The following PCNT variants were observed in gnomAD, a reference collection of about 807,000 sequenced individuals.
PCNT encodes the protein pericentrin, also known as kendrin.
A neutral mutation model predicts 380.4 loss-of-function variants in PCNT; 319 were observed. The ratio of observed to expected loss-of-function variants is 0.84; its 90% confidence interval spans 0.77 to 0.92. The LOEUF (loss-of-function observed/expected upper bound fraction) is 0.92, where lower values mean the gene tolerates loss of function less well. Among genes scored for constraint, PCNT ranks in the 40% least tolerant of loss-of-function variants. The pLI, the probability that PCNT is intolerant of heterozygous loss-of-function variation, is 0.00. For synonymous variants in PCNT, 1,845 were observed against 1,735.2 expected, an observed-to-expected ratio of 1.06 and a Z score of -1.57; for missense variants, 4,400 against 4,255.3, an observed-to-expected ratio of 1.03 and a Z score of -0.95.
intron 36 of PCNT, 113 bp downstream of exon 36, chr21:46,430,345 G>T: frequency 7.3e-7 from 1 of 1,378,134 alleles, no homozygotes. Context: ...GGCAGCCCCA[G>T]GGGCACCGCG....
chr21:46,353,691 T>G (rs1363556725), intron 10 of PCNT, among the ~76,000 whole-genome samples: 2 of 145,854 alleles, frequency 1.4e-5, no homozygotes, highest in African/African-American at 2.6e-5. Flanking sequence ...GTGTGTGTGT[T>G]GGTGGCAGGG....
rs777079498 is a variant in PCNT, at chr21:46,431,530, A to T, written c.8066A>T (p.Glu2689Val). ...RESQSAKALE[E>V]LRASLETQRA... Reference sequence around the variant, plus strand: ...CCATCGTATGTGTTTGCTGTCTAGGAGCTGCGGGCGTCTTTGGAGACACAG... The same window carrying T: ...CCATCGTATGTGTTTGCTGTCTAGGTGCTGCGGGCGTCTTTGGAGACACAG... Residue 2689 changes from glutamate to valine, a missense_variant and splice_region_variant, in exon 38 of 47, where the codon GAG (glutamate) becomes GTG (valine). By Grantham distance (121) the Glu-to-Val change is moderately radical. Transcript: ENST00000359568. The T allele has an allele frequency of 1.1e-5, 17 of 1,613,888 alleles. No homozygotes were observed. In the Admixed American group the frequency reaches 1.5e-4, roughly 14 times the overall value.
At chr21:46,421,819 G>A in intron 31 of PCNT, 151 bp from the exon 32 acceptor site, 1 of 846,862 alleles carries the variant, frequency 1.2e-6, no homozygotes, top group Non-Finnish European at 1.9e-6. Context: ...AGCATTTTTG[G>A]GGCCATCAGT....
At chr21:46,327,337 G>C (rs2083426246) in intron 2 of PCNT, among the ~76,000 whole-genome samples, 5 of 152,022 alleles carry the variant, frequency 3.3e-5, no homozygotes, top group Admixed American at 3.3e-4. Context: ...GGGATTATAG[G>C]CATGAGCCAC....
chr21:46,381,652 T>C, intron 15 of PCNT, 42 bp from the exon 16 acceptor site: 1 of 1,584,488 alleles, frequency 6.3e-7, no homozygotes, highest in Non-Finnish European at 8.7e-7. Context: ...GAAAGTATTT[T>C]TCTAGCTTAC....
rs550282599 is a variant in PCNT, at chr21:46,431,343, G to A, written c.8065-186G>A. On this transcript the variant is annotated intron_variant, in intron 37 of 46. Coordinates refer to ENST00000359568, the MANE Select transcript of PCNT (RefSeq NM_006031.6). ...TTTCCGAAAAAAGTATGTCATCTCCGCAGTCTGGGTTTTTTGTTACTTGAT... is the reference window on the plus strand; with the variant it reads ...TTTCCGAAAAAAGTATGTCATCTCCACAGTCTGGGTTTTTTGTTACTTGAT... 95 of 1,448,802 alleles carry A rather than the reference G, an allele frequency of 6.6e-5. 1 individual carries two copies. Among genetic ancestry groups the A allele is most frequent in the Non-Finnish European group, 8.0e-5 (88 of 1,105,364 alleles). 89.7% of individuals were successfully genotyped at this position (1,448,802 alleles called of 1,614,324 possible).
intron 38 of PCNT, among the ~76,000 whole-genome samples, chr21:46,434,669 C>T (rs981157431): frequency 2.6e-5 from 4 of 152,252 alleles, no homozygotes; most frequent in Non-Finnish European, 5.9e-5. Flanking sequence ...CCAGACATGG[C>T]CTGTGCCCCC....
At chr21:46,436,563 G>C (rs1601203745) in intron 39 of PCNT, among the ~76,000 whole-genome samples, 1 of 150,216 alleles carries the variant, frequency 6.7e-6, no homozygotes, top group East Asian at 2.0e-4. Context: ...TGGGCAGAAA[G>C]GGTAATGCTA....
intron 15 of PCNT, among the ~76,000 whole-genome samples, chr21:46,373,502 G>A (rs1462391278): frequency 6.8e-6 from 1 of 147,084 alleles, no homozygotes; most frequent in East Asian, 2.0e-4. Flanking sequence ...CGTGATCTTG[G>A]CTCACTGCAA....
At chr21:46,341,382 G>A (rs1204942719) in intron 3 of PCNT, among the ~76,000 whole-genome samples, 3 of 151,992 alleles carry the variant, frequency 2.0e-5, no homozygotes, top group African/African-American at 4.8e-5. Context: ...TTTGTGAGAA[G>A]TCTGTGTTAT....
intron 3 of PCNT, among the ~76,000 whole-genome samples, chr21:46,339,924 A>G (rs544407725): frequency 3.3e-5 from 5 of 152,248 alleles, no homozygotes; most frequent in African/African-American, 1.2e-4. Context: ...CCTAACCAGT[A>G]TCTCCATCAT....
intron 15 of PCNT, among the ~76,000 whole-genome samples, chr21:46,369,663 G>A (rs997069391): frequency 2.0e-5 from 3 of 152,268 alleles, no homozygotes; most frequent in African/African-American, 7.2e-5. Context: ...TGAAGTGTGT[G>A]TTTCAAACCA....
Position 46,346,196 on chromosome 21 carries a change from G to T in PCNT, c.708G>T (p.Leu236=), listed in dbSNP as rs1352045029. ...GCGGCCGTGAAGATGAGGCTGGCCTGCATCAGAGTCAGGTGACCCGGCGGG... is the reference window on the plus strand; with the variant it reads ...GCGGCCGTGAAGATGAGGCTGGCCTTCATCAGAGTCAGGTGACCCGGCGGG... ...LESGREDEAG[L]HQSQAVHGLE... is the part of the protein sequence containing the mutation. The change falls in exon 4 of 47, where the codon CTG becomes CTT. Residue 236 remains leucine, a synonymous_variant. Coordinates refer to ENST00000359568, the MANE Select transcript of PCNT (RefSeq NM_006031.6). 5.0e-6 allele frequency: 8 copies of T among 1,613,330 alleles called. No individual in the cohort carries two copies. The highest frequency in any genetic ancestry group is 6.8e-6 in the Non-Finnish European group (8 of 1,179,690).
At position 46,353,208 on chromosome 21, in the gene PCNT, A is replaced by T. The variant is rs1358261351; in HGVS notation, c.1561A>T (p.Ile521Phe). 6.2e-7 allele frequency: 1 copy of T among 1,614,104 alleles called. No homozygotes were observed. Among genetic ancestry groups the T allele is most frequent in the South Asian group, 1.1e-5 (1 of 91,086 alleles). The change falls in exon 10 of 47, where the codon ATT (isoleucine) becomes TTT (phenylalanine). Residue 521 changes from isoleucine (I) to phenylalanine (F), a missense_variant. Transcript: ENST00000359568. ...QHESELEQLR[I>F]YFEKKLRDAE... ...TGAGTCCGAACTGGAGCAACTGAGGATTTATTTTGAAAAGAAGTTAAGGGA... is the reference window on the plus strand; with the variant it reads ...TGAGTCCGAACTGGAGCAACTGAGGTTTTATTTTGAAAAGAAGTTAAGGGA...
chr21:46,384,835 G>A (rs990532689), intron 16 of PCNT, among the ~76,000 whole-genome samples: 5 of 152,044 alleles, frequency 3.3e-5, no homozygotes, highest in African/African-American at 9.7e-5. Flanking sequence ...GCGCATTCAC[G>A]GTGTTGTGCG....
At chr21:46,361,602 CAT>C (rs200648234) in intron 13 of PCNT, among the ~76,000 whole-genome samples, 94 of 152,258 alleles carry the variant, frequency 6.2e-4, no homozygotes, top group African/African-American at 1.4e-3. Context: ...CTTTGGAAAA[CAT>C]GTGTTTGAAA....
At chr21:46,326,187 T>C (rs1188453602) in intron 1 of PCNT, among the ~76,000 whole-genome samples, 190 bp from the exon 2 acceptor site, 4 of 152,206 alleles carry the variant, frequency 2.6e-5, no homozygotes, top group Admixed American at 2.6e-4. Flanking sequence ...CAGTCCTCAT[T>C]GTTAGACCCC....
At chr21:46,396,783 A>T (rs1282239974) in intron 21 of PCNT, among the ~76,000 whole-genome samples, 7 of 152,072 alleles carry the variant, frequency 4.6e-5, no homozygotes, top group Non-Finnish European at 8.8e-5. Context: ...TTGTATTTTT[A>T]GTAGAGACAG....
intron 6 of PCNT, among the ~76,000 whole-genome samples, chr21:46,348,775 C>T (rs1477967424): frequency 1.3e-5 from 2 of 151,924 alleles, no homozygotes; most frequent in Non-Finnish European, 2.9e-5. Context: ...CCACCACATC[C>T]CACTAATTTT....
Sources: gnomAD v4.1 joint callset for allele counts (sites outside exome capture counted in the v4.1 genomes callset) on GRCh38, gnomAD v4.1.1 for gene constraint, MANE v1.5 for transcripts, NCBI Gene and HGNC (gene_info 2026-07-23, HGNC 2026-07-21) for gene names.